Variants in PLXNA4 observed in about 807,000 individuals in gnomAD.
PLXNA4 encodes plexin A4.
In PLXNA4, 44 loss-of-function variants were observed where a neutral mutation model predicts 191.8. The observed-to-expected ratio is 0.23, with a 90% CI of 0.18 to 0.29. PLXNA4 has a LOEUF of 0.29. Among genes scored for constraint, PLXNA4 ranks in the 10% least tolerant of loss-of-function variants. The probability of loss-of-function intolerance (pLI) is 1.00; values close to 1 mark genes in which losing one functional copy is unlikely to be tolerated. For synonymous variants in PLXNA4, 1,082 were observed against 1,009.5 expected (o/e 1.07, Z -1.36); for missense variants, 1,800 against 2,488.8 (o/e 0.72, Z 5.89).
At chr7:132,311,156 TTGTGTGTGTGTGTGTGTGTG>T (rs749947062) in intron 3 of PLXNA4, among the ~76,000 whole-genome samples, 7 of 132,038 alleles carry the variant, frequency 5.3e-5, no homozygotes, top group African/African-American at 2.1e-4. Flanking sequence ...TCTAGGATAA[TTGTGTGTGTGTGTGTGTGTG>T]TGTGTGTGTG....
intron 2 of PLXNA4, among the ~76,000 whole-genome samples, chr7:132,615,455 TGCCCGGCCTCAGC>T (rs1023107252): frequency 6.6e-6 from 1 of 152,154 alleles, no homozygotes; most frequent in Admixed American, 6.5e-5. Context: ...CGGCCCGCAG[TGCCCGGCCTCAGC>T]GTCCCTGGGG....
At chr7:132,533,588 T>A (rs1799710785) in intron 1 of PLXNA4, among the ~76,000 whole-genome samples, 1 of 152,264 alleles carries the variant, frequency 6.6e-6, no homozygotes, top group Admixed American at 6.5e-5. Flanking sequence ...CTCTATTTGA[T>A]GCTCTGGGCC....
chr7:132,421,389 T>C (rs911423529), intron 3 of PLXNA4, among the ~76,000 whole-genome samples: 5 of 152,186 alleles, frequency 3.3e-5, no homozygotes, highest in Admixed American at 1.3e-4. Context: ...TCTCTTCATC[T>C]CTTCCCCAAC....
intron 25 of PLXNA4, among the ~76,000 whole-genome samples, chr7:132,157,310 G>A (rs1247809247): frequency 6.6e-6 from 1 of 152,172 alleles, no homozygotes; most frequent in Non-Finnish European, 1.5e-5. Context: ...TCATCATGGC[G>A]GGTGGCAGGA....
chr7:132,637,115 T>C (rs560266994), intron 2 of PLXNA4, among the ~76,000 whole-genome samples: 1 of 152,320 alleles, frequency 6.6e-6, no homozygotes, highest in African/African-American at 2.4e-5. Context: ...AAGAGCCTTT[T>C]GATCATTCTC....
chr7:132,547,349 C>T (rs935981827), intron 1 of PLXNA4, among the ~76,000 whole-genome samples: 11 of 152,128 alleles, frequency 7.2e-5, no homozygotes, highest in Admixed American at 2.6e-4. Context: ...AATCTGATTT[C>T]GGAGTCTTTA....
chr7:132,331,990 T>C (rs2116698733), intron 3 of PLXNA4, among the ~76,000 whole-genome samples: 1 of 152,302 alleles, frequency 6.6e-6, no homozygotes, highest in African/African-American at 2.4e-5. Flanking sequence ...CACTGAACTT[T>C]CATGGACAAT....
rs550217810 is a variant in PLXNA4, at chr7:132,298,160, G to A, written c.1434C>T (p.Pro478=). Residue 478 remains proline (P), a synonymous_variant, in exon 4 of 32, where the codon CCC becomes CCT. Transcript: ENST00000321063. ...AGGCCATATCCCGGAGGACTGGGCC[G>A]GGGTCCACCACCTGCACCGTCTCAT... ...LQYETVQVVD[P]GPVLRDMAFS... 63 of 1,614,136 alleles carry A rather than the reference G, an allele frequency of 3.9e-5. No individual in the cohort carries two copies. The South Asian group carries it at 4.5e-4, about 12-fold the overall frequency.
chr7:132,333,409 G>A lies in PLXNA4; in HGVS notation c.1372-35187C>T, dbSNP rs562340866. On this transcript the variant is annotated intron_variant, in intron 3 of 31. Transcript: ENST00000321063. ...CAGCCAGGAAGAGGAAGAGGGAGGT[G>A]GGGAGGTGGGAAGGTAGCAACAAGC... Among the ~76,000 whole-genome samples the A allele has an allele frequency of 2.2e-4, 34 of 152,318 alleles. No individual in the cohort carries two copies. In the South Asian group the frequency reaches 6.6e-3, roughly 30 times the overall value.
chr7:132,498,726 C>T (rs565430513), intron 2 of PLXNA4, among the ~76,000 whole-genome samples: 7 of 152,080 alleles, frequency 4.6e-5, no homozygotes, highest in Non-Finnish European at 8.8e-5. Context: ...TCATATGGCC[C>T]CAGTTCTCAA....
intron 19 of PLXNA4, 95 bp downstream of exon 19, chr7:132,180,491 G>A (rs1796668428): frequency 6.4e-7 from 1 of 1,555,954 alleles, no homozygotes; most frequent in Non-Finnish European, 8.7e-7. Context: ...GTTCTTTGTG[G>A]GACAGAATCC....
At position 132,276,533 on chromosome 7, in the gene PLXNA4, C is replaced by T. The variant is rs900830534; in HGVS notation, c.1503+21558G>A. Reference sequence around the variant, plus strand: ...CCAGAAAGCAGGGCTCTCCCTGAGTCGTCCCTAAGCAGCTTATTCATGAAC... The same window carrying T: ...CCAGAAAGCAGGGCTCTCCCTGAGTTGTCCCTAAGCAGCTTATTCATGAAC... On this transcript the variant is annotated intron_variant, in intron 4 of 31. Transcript: ENST00000321063. Among the ~76,000 whole-genome samples the T allele has an allele frequency of 3.3e-5, 5 of 151,942 alleles. No individual in the cohort carries two copies. The East Asian group carries it at 7.7e-4, about 24-fold the overall frequency.
intron 23 of PLXNA4, 91 bp from the exon 24 acceptor site, chr7:132,164,379 C>T: frequency 6.5e-7 from 1 of 1,528,330 alleles, no homozygotes; most frequent in Non-Finnish European, 8.8e-7. Flanking sequence ...GCTTCCATCC[C>T]CTGCCAAGTC....
chr7:132,409,406 A>T (rs926673841), intron 3 of PLXNA4, among the ~76,000 whole-genome samples: 1 of 152,076 alleles, frequency 6.6e-6, no homozygotes, highest in Admixed American at 6.5e-5. Context: ...TTTGTCCGTT[A>T]TGAGCATGGG....
At chr7:132,395,506 T>C (rs769877205) in intron 3 of PLXNA4, among the ~76,000 whole-genome samples, 5 of 152,180 alleles carry the variant, frequency 3.3e-5, no homozygotes, top group Non-Finnish European at 5.9e-5. Flanking sequence ...AAAGTCCTAT[T>C]TGAAGTATTG....
chr7:132,320,210 G>A (rs1802108835), intron 3 of PLXNA4, among the ~76,000 whole-genome samples: 1 of 152,246 alleles, frequency 6.6e-6, no homozygotes, highest in South Asian at 2.1e-4. Context: ...CAACAGAAAT[G>A]TATTCTGTCA....
At chr7:132,577,681 C>T (rs1001587324), upstream of PLXNA4, among the ~76,000 whole-genome samples, 2 of 152,094 alleles carry the variant, frequency 1.3e-5, no homozygotes, top group African/African-American at 2.4e-5. Flanking sequence ...GAGAGAGGGG[C>T]ATACATGGGT....
At chr7:132,247,669 C>A (rs1055209218) in intron 4 of PLXNA4, among the ~76,000 whole-genome samples, 1 of 152,178 alleles carries the variant, frequency 6.6e-6, no homozygotes, top group African/African-American at 2.4e-5. Flanking sequence ...CTTTGGTCAC[C>A]ACTGGCTGCC....
rs573198347 is a variant in PLXNA4, at chr7:132,595,417, C to T, written c.-87+50511G>A. Among the ~76,000 whole-genome samples, 10 of 152,234 alleles carry T rather than the reference C, an allele frequency of 6.6e-5. No individual in the cohort carries two copies. In the South Asian group the frequency reaches 8.3e-4, roughly 13 times the overall value. On this transcript the variant is annotated intron_variant, in intron 2 of 4. Coordinates refer to the PLXNA4 transcript ENST00000378539. ...GAGACTGGCTGCCTGACTATTCATC[C>T]GTCTCCCATGCTAAATTGGGAGATC...
Sources: gnomAD v4.1 joint callset for allele counts (sites outside exome capture counted in the v4.1 genomes callset) on GRCh38, gnomAD v4.1.1 for gene constraint, MANE v1.5 for transcripts, NCBI Gene and HGNC (gene_info 2026-07-23, HGNC 2026-07-21) for gene names.